Variants in CHAT observed in about 807,000 individuals in gnomAD.
The protein encoded by CHAT is acetyl CoA:choline O-acetyltransferase.
In CHAT, 61 loss-of-function variants were observed where a neutral mutation model predicts 76.9. That is an observed-to-expected ratio of 0.79 (90% CI 0.65 to 0.98). The LOEUF (loss-of-function observed/expected upper bound fraction) is 0.98, where lower values mean the gene tolerates loss of function less well. Among genes scored for constraint, CHAT ranks in the 50% least tolerant of loss-of-function variants. The pLI, the probability that CHAT is intolerant of heterozygous loss-of-function variation, is 0.00. For missense variants in CHAT, 946 were observed against 986.9 expected (o/e 0.96, Z 0.56); for synonymous variants, 407 against 397.4 (o/e 1.02, Z -0.29).
At chr10:49,610,706 C>A (rs781765288), upstream of CHAT, 20 of 1,461,610 alleles carry the variant, frequency 1.4e-5, no homozygotes, top group Non-Finnish European at 1.8e-5. Flanking sequence ...TCGGCCCTGG[C>A]GGAGGCGTCC....
intron 7 of CHAT, chr10:49,637,438 G>C (rs986984501): frequency 6.6e-6 from 1 of 152,138 alleles, no homozygotes; most frequent in Non-Finnish European, 1.5e-5. Flanking sequence ...TCAAGGGAGG[G>C]ACCCGGTGAG....
chr10:49,650,383 C>T (rs56162799), intron 10 of CHAT, among the ~76,000 whole-genome samples: 4,054 of 152,166 alleles, frequency 0.027, 154 homozygotes, highest in African/African-American at 0.087. Context: ...GCAGAAACAG[C>T]CATGCTGACC....
chr10:49,645,992 G>A (rs747559560), intron 7 of CHAT, among the ~76,000 whole-genome samples: 2 of 152,160 alleles, frequency 1.3e-5, no homozygotes, highest in Non-Finnish European at 2.9e-5. Flanking sequence ...CTTCCTTCAG[G>A]TTTTAATGTG....
At chr10:49,646,151 G>A (rs3829172) in intron 7 of CHAT, among the ~76,000 whole-genome samples, 17,591 of 152,208 alleles carry the variant, frequency 0.12, 1,455 homozygotes, top group East Asian at 0.45. Context: ...GGGGATTAAG[G>A]GCCCTTCCAC....
At chr10:49,619,325 C>T (rs1838611436) in intron 2 of CHAT, among the ~76,000 whole-genome samples, 1 of 152,152 alleles carries the variant, frequency 6.6e-6, no homozygotes, top group African/African-American at 2.4e-5. Context: ...CTTAAAAGCA[C>T]TTTCATATCT....
chr10:49,611,260 G>A, upstream of CHAT: 1 of 1,612,708 alleles, frequency 6.2e-7, no homozygotes, highest in South Asian at 1.1e-5. Context: ...CTTCGCCGAG[G>A]ACTACGCCAC....
chr10:49,654,702 G>C (rs1839978686), intron 11 of CHAT, among the ~76,000 whole-genome samples: 2 of 152,192 alleles, frequency 1.3e-5, no homozygotes, highest in Non-Finnish European at 2.9e-5. Context: ...GCTTGAATCA[G>C]TTTAAATAAA....
chr10:49,618,361 C>T (rs555316929), intron 2 of CHAT, among the ~76,000 whole-genome samples: 11 of 152,266 alleles, frequency 7.2e-5, no homozygotes, highest in African/African-American at 2.6e-4. Flanking sequence ...TACATTAGCT[C>T]TTTAATCCTA....
chr10:49,639,792 A>T (rs990931647), intron 7 of CHAT, among the ~76,000 whole-genome samples: 11 of 152,148 alleles, frequency 7.2e-5, no homozygotes, highest in African/African-American at 2.7e-4. Context: ...GCCATTATTT[A>T]TCTGAGTCGT....
intron 14 of CHAT, 106 bp downstream of exon 14, chr10:49,662,888 C>A: frequency 7.2e-7 from 1 of 1,385,232 alleles, no homozygotes; most frequent in Non-Finnish European, 1.0e-6. Context: ...CCTGCCTCTG[C>A]TTTTTCTGAA....
upstream of CHAT, chr10:49,612,110 T>C (rs1350716157): frequency 6.2e-7 from 1 of 1,612,626 alleles, no homozygotes; most frequent in Non-Finnish European, 8.5e-7. Context: ...GGCATGGGAC[T>C]GGCCAACCTG....
chr10:49,641,178 C>A (rs993891411), intron 7 of CHAT, among the ~76,000 whole-genome samples: 1 of 152,178 alleles, frequency 6.6e-6, no homozygotes, highest in Non-Finnish European at 1.5e-5. Flanking sequence ...TGGATTAAGA[C>A]CTTATTTAAC....
chr10:49,609,142 G>T (rs1040964721), upstream of CHAT: 7 of 152,278 alleles, frequency 4.6e-5, no homozygotes, highest in African/African-American at 1.4e-4. Flanking sequence ...AGCCTGGGCA[G>T]CTCAGCCTGT....
At chr10:49,645,067 T>C (rs1256782612) in intron 7 of CHAT, among the ~76,000 whole-genome samples, 2 of 152,184 alleles carry the variant, frequency 1.3e-5, no homozygotes, top group African/African-American at 2.4e-5. Flanking sequence ...TTTTGAGATC[T>C]TGCTCATAGA....
In CHAT at chr10:49,648,615, T is replaced by G. The variant is rs560062702; in HGVS notation, c.1382+8T>G. On this transcript the variant is annotated splice_region_variant and intron_variant, in intron 9 of 14. Coordinates refer to ENST00000337653, the MANE Select transcript of CHAT (RefSeq NM_020549.5). ...GCATCTGCTCAAGCACGTGTGAGTC[T>G]GGATCCCAGGGCTGCCATGCTGGGC... The G allele has an allele frequency of 1.9e-6, 3 of 1,598,228 alleles. No individual in the cohort carries two copies. In the South Asian group the frequency reaches 3.3e-5, roughly 18 times the overall value.
At chr10:49,611,066 C>T (rs773724578), upstream of CHAT, 8 of 1,614,080 alleles carry the variant, frequency 5.0e-6, no homozygotes, top group Non-Finnish European at 6.8e-6. Context: ...CCAGCGGGCT[C>T]AGCCCTTCGG....
chr10:49,650,854 G>C (rs1228383199), intron 10 of CHAT, among the ~76,000 whole-genome samples: 1 of 152,190 alleles, frequency 6.6e-6, no homozygotes, highest in South Asian at 2.1e-4. Flanking sequence ...GTTCTATAAA[G>C]TGGTGCTCAC....
At position 49,658,263 on chromosome 10, in the gene CHAT, C is replaced by A. The variant is rs182452874; in HGVS notation, c.1839+2815C>A. ...AGGTGTGGTGGCTCACACCTGTAATCCCAGCACTTTGGGAGGCTGAGGCAG... is the reference window on the plus strand; with the variant it reads ...AGGTGTGGTGGCTCACACCTGTAATACCAGCACTTTGGGAGGCTGAGGCAG... On this transcript the variant is annotated intron_variant, in intron 13 of 14. Transcript: ENST00000337653. Among the ~76,000 whole-genome samples, 24 of 152,258 alleles carry A rather than the reference C, an allele frequency of 1.6e-4. No homozygotes were observed. In the East Asian group the frequency reaches 4.3e-3, roughly 27 times the overall value.
At chr10:49,642,735 G>A (rs2377872) in intron 7 of CHAT, among the ~76,000 whole-genome samples, 17,160 of 152,282 alleles carry the variant, frequency 0.11, 1,385 homozygotes, top group East Asian at 0.44. Flanking sequence ...TTTAAGGATC[G>A]CTTAGTGAAG....
Sources: gnomAD v4.1 joint callset for allele counts (sites outside exome capture counted in the v4.1 genomes callset) on GRCh38, gnomAD v4.1.1 for gene constraint, MANE v1.5 for transcripts, NCBI Gene and HGNC (gene_info 2026-07-23, HGNC 2026-07-21) for gene names.